Variants in ASXL3 observed in about 807,000 individuals in gnomAD.
ASXL3 encodes the protein putative Polycomb group protein ASXL3.
ASXL3 carries 34 observed loss-of-function variants against 170.6 expected under a neutral mutation model. That is an observed-to-expected ratio of 0.20 (90% CI 0.15 to 0.27). ASXL3 has a LOEUF of 0.27. ASXL3 is among the 10% of genes least tolerant of loss of function. The pLI is 1.00. For missense variants in ASXL3, 2,592 were observed against 2,695.3 expected, an observed-to-expected ratio of 0.96 and a Z score of 0.85; for synonymous variants, 1,002 against 989.1, an observed-to-expected ratio of 1.01 and a Z score of -0.24.
intron 8 of ASXL3, among the ~76,000 whole-genome samples, chr18:33,706,229 A>G (rs764480027): frequency 1.1e-4 from 16 of 151,806 alleles, no homozygotes; most frequent in Non-Finnish European, 1.9e-4. Flanking sequence ...AAGATCAAAG[A>G]GCTACCTCAA....
intron 5 of ASXL3, among the ~76,000 whole-genome samples, chr18:33,666,108 T>C (rs1347604649): frequency 6.6e-6 from 1 of 152,144 alleles, no homozygotes; most frequent in African/African-American, 2.4e-5. Context: ...GGCTTGAAGG[T>C]ACATTCCTTC....
At position 33,749,958 on chromosome 18, in the gene ASXL3, C is replaced by G. The variant is rs1015369687; in HGVS notation, c.*3363C>G. On this transcript the variant is annotated 3_prime_UTR_variant, in exon 12 of 12. Transcript: ENST00000269197. ...GTAGCCCCATTTCCTTTACAAACCC[C>G]CGCACAATTTCAAAAGTGGAAGTTA... 1 of 152,250 alleles carries G rather than the reference C, an allele frequency of 6.6e-6. No individual in the cohort carries two copies. The highest frequency in any genetic ancestry group is 2.4e-5 in the African/African-American group (1 of 41,450). The allele number at this position is 152,250 out of a possible 1,614,324, so 9.4% of individuals were successfully genotyped here.
rs901244036 is a variant in ASXL3 at position 33,747,635 on chromosome 18, A to G, written c.*1040A>G. The G allele has an allele frequency of 3.9e-5, 6 of 152,154 alleles. No homozygotes were observed. Among genetic ancestry groups the G allele is most frequent in the Admixed American group, 1.3e-4 (2 of 15,280 alleles). The allele number at this position is 152,154 out of a possible 1,614,324, so 9.4% of individuals were successfully genotyped here. A position where few individuals can be genotyped will look rare whatever the true frequency, so the allele number is the denominator to read the frequency against. On this transcript the variant is annotated 3_prime_UTR_variant, in exon 12 of 12. Coordinates refer to ENST00000269197, the MANE Select transcript of ASXL3 (RefSeq NM_030632.3). ...CCATATCTTTTTAAAAGTGTCATTG[A>G]TGATAAAAGGGACTACCCAAGGCTA... is the stretch of plus-strand genomic sequence containing the variant.
At chr18:33,719,180 C>A (rs1340205475) in intron 8 of ASXL3, among the ~76,000 whole-genome samples, 1 of 152,072 alleles carries the variant, frequency 6.6e-6, no homozygotes, top group Non-Finnish European at 1.5e-5. Context: ...CTACCACACT[C>A]TTGCATCATT....
intron 8 of ASXL3, among the ~76,000 whole-genome samples, chr18:33,687,101 T>C (rs960221513): frequency 2.0e-5 from 3 of 152,190 alleles, no homozygotes; most frequent in African/African-American, 4.8e-5. Context: ...GTTAAAGGTC[T>C]AGAAGGCAAC....
intron 2 of ASXL3, chr18:33,609,101 C>T: frequency 1.0e-6 from 1 of 977,498 alleles, no homozygotes; most frequent in Non-Finnish European, 1.2e-6. Context: ...CCTAACAATT[C>T]TGTTAAAGGA....
chr18:33,689,239 C>G (rs1385510894), intron 8 of ASXL3, among the ~76,000 whole-genome samples: 1 of 152,162 alleles, frequency 6.6e-6, no homozygotes, highest in Non-Finnish European at 1.5e-5. Flanking sequence ...GGTGATCCAC[C>G]CGCCTCGGCC....
intron 2 of ASXL3, among the ~76,000 whole-genome samples, chr18:33,610,411 G>A (rs185737903): frequency 2.0e-4 from 31 of 152,000 alleles, no homozygotes; most frequent in African/African-American, 6.7e-4. Flanking sequence ...TGTTTTAATG[G>A]TCCTCCCCCA....
At chr18:33,641,624 C>A (rs2065848272) in intron 2 of ASXL3, among the ~76,000 whole-genome samples, 1 of 151,996 alleles carries the variant, frequency 6.6e-6, no homozygotes, top group Admixed American at 6.6e-5. Context: ...AGCCCAGTGC[C>A]CCAGTTTTTT....
intron 7 of ASXL3, among the ~76,000 whole-genome samples, chr18:33,678,838 C>T (rs2066471888): frequency 6.6e-6 from 1 of 152,138 alleles, no homozygotes; most frequent in Admixed American, 6.6e-5. Flanking sequence ...AATTAAACAT[C>T]CTCTGTGGCA....
At chr18:33,731,222 G>A (rs962835148) in intron 8 of ASXL3, among the ~76,000 whole-genome samples, 1 of 152,078 alleles carries the variant, frequency 6.6e-6, no homozygotes, top group African/African-American at 2.4e-5. Flanking sequence ...AAAAAGTGAG[G>A]ATAAGAAATC....
chr18:33,605,275 A>G (rs1002183963), intron 1 of ASXL3, among the ~76,000 whole-genome samples: 4 of 151,920 alleles, frequency 2.6e-5, no homozygotes, highest in Non-Finnish European at 5.9e-5. Flanking sequence ...AGTCTGATTC[A>G]TGTCTCTGCC....
rs1228122107 is a variant in ASXL3, at chr18:33,578,433, C to G, written c.-199C>G. 2 of 99,168 alleles carry G rather than the reference C, an allele frequency of 2.0e-5. No homozygotes were observed. The highest frequency in any genetic ancestry group is 8.0e-5 in the African/African-American group (2 of 25,120). 6.1% of individuals were successfully genotyped at this position (99,168 alleles called of 1,614,324 possible). On this transcript the variant is annotated 5_prime_UTR_variant, in exon 1 of 12. Coordinates refer to ENST00000269197, the MANE Select transcript of ASXL3 (RefSeq NM_030632.3). ...GTCGCGCGCCCCCACCCACTCCACC[C>G]CACCCCCTCGCTCCATCCCTCCCAC...
rs1384201185 is a variant in ASXL3, at chr18:33,749,646, C to A, written c.*3051C>A. ...TTCAAAATGAAAATAATTTTTTCTT[C>A]CCCAAAATGAGAATAGTAGAAATTT... On this transcript the variant is annotated 3_prime_UTR_variant, in exon 12 of 12. Coordinates refer to ENST00000269197, the MANE Select transcript of ASXL3 (RefSeq NM_030632.3). 6.6e-6 allele frequency: 1 copy of A among 151,832 alleles called. No homozygotes were observed. Among genetic ancestry groups the A allele is most frequent in the Admixed American group, 6.6e-5 (1 of 15,246 alleles). 9.4% of individuals were successfully genotyped at this position (151,832 alleles called of 1,614,324 possible).
At chr18:33,639,833 C>T (rs1273718558) in intron 2 of ASXL3, among the ~76,000 whole-genome samples, 1 of 152,074 alleles carries the variant, frequency 6.6e-6, no homozygotes, top group Non-Finnish European at 1.5e-5. Flanking sequence ...ACAAGAGATA[C>T]ACACTGAGGT....
At chr18:33,603,588 A>G (rs1024267491) in intron 1 of ASXL3, among the ~76,000 whole-genome samples, 1 of 151,990 alleles carries the variant, frequency 6.6e-6, no homozygotes, top group Non-Finnish European at 1.5e-5. Flanking sequence ...CTAGCTCTGT[A>G]CATCTGTTTA....
intron 3 of ASXL3, among the ~76,000 whole-genome samples, 198 bp downstream of exon 3, chr18:33,645,200 C>T (rs971410930): frequency 6.6e-6 from 1 of 151,922 alleles, no homozygotes; most frequent in African/African-American, 2.4e-5. Context: ...TGTGGTTTCA[C>T]TCCGTGACAT....
chr18:33,732,539 A>C (rs796304094), intron 9 of ASXL3, among the ~76,000 whole-genome samples: 60 of 152,204 alleles, frequency 3.9e-4, no homozygotes, highest in African/African-American at 1.4e-3. Flanking sequence ...CCCACTCTAC[A>C]CAACTGAAAT....
At chr18:33,694,369 T>C (rs2066738150) in intron 8 of ASXL3, among the ~76,000 whole-genome samples, 1 of 152,170 alleles carries the variant, frequency 6.6e-6, no homozygotes, top group African/African-American at 2.4e-5. Context: ...CTTTTAAAAA[T>C]ATATGGCAGC....
Sources: gnomAD v4.1 joint callset for allele counts (sites outside exome capture counted in the v4.1 genomes callset) on GRCh38, gnomAD v4.1.1 for gene constraint, MANE v1.5 for transcripts, NCBI Gene and HGNC (gene_info 2026-07-23, HGNC 2026-07-21) for gene names.